The following RARB variants were observed in gnomAD, a reference collection of about 807,000 sequenced individuals.
The protein encoded by RARB is HBV-activated protein.
A neutral mutation model predicts 51.9 loss-of-function variants in RARB; 17 were observed. That is an observed-to-expected ratio of 0.33 (90% CI 0.22 to 0.49). The LOEUF (loss-of-function observed/expected upper bound fraction) is 0.49, where lower values mean the gene tolerates loss of function less well. Among genes scored for constraint, RARB ranks in the 20% least tolerant of loss-of-function variants. The pLI is 0.99. For synonymous variants in RARB, 215 were observed against 195.4 expected, an observed-to-expected ratio of 1.10 and a Z score of -0.84; for missense variants, 369 against 550.8, an observed-to-expected ratio of 0.67 and a Z score of 3.30.
chr3:25,126,626 T>G (rs1012841645), intron 3 of RARB, among the ~76,000 whole-genome samples: 1 of 152,144 alleles, frequency 6.6e-6, no homozygotes. Context: ...AAATTATCTT[T>G]CCAGCCAGGT....
intron 3 of RARB, among the ~76,000 whole-genome samples, chr3:25,508,497 A>G (rs1697722109): frequency 6.6e-6 from 1 of 152,224 alleles, no homozygotes; most frequent in African/African-American, 2.4e-5. Context: ...CATTGGTTCT[A>G]CTGCTGGATT....
chr3:25,047,898 G>A (rs948348612), intron 2 of RARB, among the ~76,000 whole-genome samples: 18 of 152,216 alleles, frequency 1.2e-4, no homozygotes, highest in South Asian at 4.2e-4. Context: ...CCTGTAAAGG[G>A]CAGGACAAAG....
At position 25,508,797 on chromosome 3, in the gene RARB, T is replaced by C. The variant is rs996014174; in HGVS notation, c.448+7474T>C. Among the ~76,000 whole-genome samples the C allele has an allele frequency of 6.7e-4, 102 of 151,992 alleles. 1 individual carries two copies. The highest frequency in any genetic ancestry group is 2.5e-3 in the African/African-American group (102 of 41,348). ...GTGAAAGGCTGGAAACTTCCTACTT[T>C]TATACCTAAAAATGTCCTAGAAGCT... On this transcript the variant is annotated intron_variant, in intron 3 of 7. Transcript: ENST00000330688.
At chr3:25,257,906 G>C (rs984715534) in intron 5 of RARB, among the ~76,000 whole-genome samples, 1 of 152,092 alleles carries the variant, frequency 6.6e-6, no homozygotes, top group African/African-American at 2.4e-5. Context: ...CAAATCATGT[G>C]TCTACTCATG....
chr3:25,166,492 A>G (rs1211657929), intron 4 of RARB, among the ~76,000 whole-genome samples: 1 of 152,222 alleles, frequency 6.6e-6, no homozygotes, highest in Non-Finnish European at 1.5e-5. Context: ...ATATATATGT[A>G]GTGTCTGTCA....
chr3:25,013,832 A>T (rs1697449015), intron 2 of RARB, among the ~76,000 whole-genome samples: 1 of 152,074 alleles, frequency 6.6e-6, no homozygotes, highest in African/African-American at 2.4e-5. Flanking sequence ...TGTCTGTGTT[A>T]CTCAGGTTTG....
chr3:25,385,648 T>C (rs1350249706), intron 5 of RARB, among the ~76,000 whole-genome samples: 2 of 152,148 alleles, frequency 1.3e-5, no homozygotes, highest in African/African-American at 2.4e-5. Context: ...ATTTAAAATA[T>C]ATATATATAT....
At chr3:25,581,775 T>C (rs2125307415) in intron 5 of RARB, among the ~76,000 whole-genome samples, 1 of 152,206 alleles carries the variant, frequency 6.6e-6, no homozygotes, top group African/African-American at 2.4e-5. Flanking sequence ...AGAGCTCCCT[T>C]TCTCTTTCTT....
chr3:24,968,982 A>G (rs1463702982), intron 2 of RARB, among the ~76,000 whole-genome samples: 2 of 151,810 alleles, frequency 1.3e-5, no homozygotes, highest in African/African-American at 4.8e-5. Context: ...ACATTTGGTC[A>G]TCTTTTTTTT....
At position 25,036,377 on chromosome 3, in the gene RARB, C is replaced by T. The variant is rs78045592; in HGVS notation, c.-379-23748C>T. 7.2e-3 allele frequency among the ~76,000 whole-genome samples: 1,092 copies of T among 152,292 alleles called. 17 individuals are homozygous for T. The highest frequency in any genetic ancestry group is 0.025 in the African/African-American group (1,042 of 41,558). On this transcript the variant is annotated intron_variant, in intron 2 of 11. Coordinates refer to the RARB transcript ENST00000383772. ...TCTGTAGCGCCAAATCCCAAACCCT[C>T]TCCATTCTACCGTAAAAATGTATAG...
chr3:25,516,456 T>G (rs1698165135), intron 3 of RARB, among the ~76,000 whole-genome samples: 1 of 152,192 alleles, frequency 6.6e-6, no homozygotes, highest in Non-Finnish European at 1.5e-5. Flanking sequence ...CTTTATATTT[T>G]GATTCATTCA....
intron 5 of RARB, among the ~76,000 whole-genome samples, chr3:25,203,208 T>C (rs952741160): frequency 1.1e-4 from 17 of 152,212 alleles, no homozygotes; most frequent in African/African-American, 3.9e-4. Context: ...TCTCTTTTGA[T>C]CTTTGTTGGT....
At chr3:24,987,618 C>T (rs1013298460) in intron 2 of RARB, among the ~76,000 whole-genome samples, 7 of 152,180 alleles carry the variant, frequency 4.6e-5, no homozygotes, top group Admixed American at 3.9e-4. Context: ...CTGTTCTACA[C>T]CACTAATGGC....
At chr3:25,177,382 A>G (rs1700776331) in intron 5 of RARB, among the ~76,000 whole-genome samples, 1 of 152,212 alleles carries the variant, frequency 6.6e-6, no homozygotes, top group African/African-American at 2.4e-5. Flanking sequence ...AGCAACACAC[A>G]TACTTGGGTG....
intron 2 of RARB, among the ~76,000 whole-genome samples, chr3:24,928,381 A>G (rs755509602): frequency 1.3e-5 from 2 of 152,044 alleles, no homozygotes; most frequent in Non-Finnish European, 2.9e-5. Context: ...TAAGTAAGAC[A>G]CTAGGACTTA....
At chr3:25,168,027 T>A (rs1211811840) in intron 4 of RARB, among the ~76,000 whole-genome samples, 2 of 152,282 alleles carry the variant, frequency 1.3e-5, no homozygotes, top group African/African-American at 4.8e-5. Flanking sequence ...TTTGACAAGG[T>A]TCAGCCATGG....
At chr3:25,436,150 G>C (rs538164435) in intron 1 of RARB, among the ~76,000 whole-genome samples, 1 of 151,918 alleles carries the variant, frequency 6.6e-6, no homozygotes, top group Non-Finnish European at 1.5e-5. Context: ...CCTTTCTTTC[G>C]CTCTTGCTGC....
At chr3:24,948,916 C>T (rs1385459559) in intron 2 of RARB, among the ~76,000 whole-genome samples, 1 of 152,122 alleles carries the variant, frequency 6.6e-6, no homozygotes, top group Non-Finnish European at 1.5e-5. Flanking sequence ...TCCTGTACAG[C>T]CTGTAGAACC....
intron 2 of RARB, among the ~76,000 whole-genome samples, chr3:24,892,610 T>C (rs1424732734): frequency 2.0e-5 from 3 of 152,212 alleles, no homozygotes; most frequent in Non-Finnish European, 2.9e-5. Flanking sequence ...CTCAAAGGAA[T>C]CAGTGACCCT....
Sources: gnomAD v4.1 joint callset for allele counts (sites outside exome capture counted in the v4.1 genomes callset) on GRCh38, gnomAD v4.1.1 for gene constraint, MANE v1.5 for transcripts, NCBI Gene and HGNC (gene_info 2026-07-23, HGNC 2026-07-21) for gene names.